HECW1: variants seen among roughly 807,000 people sequenced by gnomAD.
The protein encoded by HECW1 is HECT, C2 and WW domain containing E3 ubiquitin protein ligase 1, also known as E3 ubiquitin-protein ligase HECW1.
Under a neutral mutation model 182.3 loss-of-function variants are expected in HECW1, and 61 were observed. That is an observed-to-expected ratio of 0.33 (90% confidence interval 0.27 to 0.41). HECW1 has a LOEUF of 0.41. Ranked by LOEUF, HECW1 falls within the 10% of genes least tolerant of loss-of-function variation. The pLI is 1.00. For synonymous variants in HECW1, 859 were observed against 832.6 expected (o/e 1.03, Z -0.55); for missense variants, 1,739 against 2,108.9 (o/e 0.82, Z 3.44).
At chr7:43,537,788 A>AT (rs1047241660) in intron 24 of HECW1, among the ~76,000 whole-genome samples, 7 of 147,082 alleles carry the variant, frequency 4.8e-5, no homozygotes, top group East Asian at 2.2e-4. Flanking sequence ...TTGCACAGTT[A>AT]TTTTTTTTAA....
At chr7:43,370,050 T>C (rs539075408) in intron 6 of HECW1, among the ~76,000 whole-genome samples, 15 of 152,236 alleles carry the variant, frequency 9.9e-5, no homozygotes, top group Non-Finnish European at 1.9e-4. Context: ...AGATGTTCCA[T>C]CAAGAGAATG....
intron 2 of HECW1, among the ~76,000 whole-genome samples, chr7:43,180,735 T>C (rs1030659713): frequency 6.6e-6 from 1 of 152,206 alleles, no homozygotes; most frequent in African/African-American, 2.4e-5. Context: ...TAATTATACA[T>C]GTTTATGAAG....
chr7:43,476,344 A>G (rs1024192728), intron 16 of HECW1, among the ~76,000 whole-genome samples: 1 of 152,202 alleles, frequency 6.6e-6, no homozygotes, highest in African/African-American at 2.4e-5. Flanking sequence ...TAAAACAACT[A>G]CAAAACTGTA....
chr7:43,475,813 T>C (rs931462611), intron 16 of HECW1, among the ~76,000 whole-genome samples: 5 of 152,190 alleles, frequency 3.3e-5, no homozygotes, highest in African/African-American at 1.2e-4. Flanking sequence ...TCCACCTACT[T>C]TGGCCTCCCA....
At chr7:43,215,916 A>C (rs1796401734) in intron 2 of HECW1, among the ~76,000 whole-genome samples, 1 of 152,196 alleles carries the variant, frequency 6.6e-6, no homozygotes, top group African/African-American at 2.4e-5. Context: ...GTATAGGGCC[A>C]GTGTTCAGAG....
At chr7:43,557,978 A>C (rs2082086545) in intron 29 of HECW1, among the ~76,000 whole-genome samples, 1 of 152,242 alleles carries the variant, frequency 6.6e-6, no homozygotes, top group Admixed American at 6.5e-5. Context: ...GAAACTGATC[A>C]AGGATTGCAA....
chr7:43,138,586 C>T (rs1393350068), intron 2 of HECW1, among the ~76,000 whole-genome samples: 1 of 152,142 alleles, frequency 6.6e-6, no homozygotes, highest in Non-Finnish European at 1.5e-5. Context: ...GTCTATTTAC[C>T]ACCCCTATAG....
chr7:43,340,425 T>A (rs893939163), intron 5 of HECW1, among the ~76,000 whole-genome samples: 1 of 150,976 alleles, frequency 6.6e-6, no homozygotes, highest in Non-Finnish European at 1.5e-5. Flanking sequence ...TTCACCATAT[T>A]GGCTAGGCTG....
At chr7:43,114,746 G>GT (rs1303388843) in intron 2 of HECW1, among the ~76,000 whole-genome samples, 1 of 151,798 alleles carries the variant, frequency 6.6e-6, no homozygotes, top group African/African-American at 2.4e-5. Context: ...TTTTGGAGTA[G>GT]TTTTTTCATG....
intron 2 of HECW1, among the ~76,000 whole-genome samples, chr7:43,133,621 C>G (rs534642949): frequency 6.6e-6 from 1 of 151,824 alleles, no homozygotes; most frequent in Non-Finnish European, 1.5e-5. Flanking sequence ...TTCTCTCTTT[C>G]TTTCTCTGTT....
intron 3 of HECW1, among the ~76,000 whole-genome samples, chr7:43,277,038 T>C (rs1222827825): frequency 6.6e-6 from 1 of 152,244 alleles, no homozygotes; most frequent in South Asian, 2.1e-4. Context: ...ATTTTCAGGA[T>C]GCTCAGGGCT....
In HECW1 at chr7:43,307,539, G is replaced by A. The variant is rs578209640; in HGVS notation, c.28-4224G>A. On this transcript the variant is annotated intron_variant, in intron 3 of 29. Transcript: ENST00000395891. The stretch of plus-strand genomic sequence containing the variant: ...TGTAAGACATTGGAATCACTGTCTA[G>A]GAAGACAGTGGCCTTTTATCCAGGG... Among the ~76,000 whole-genome samples the A allele has an allele frequency of 3.3e-5, 5 of 152,262 alleles. No individual in the cohort carries two copies. The East Asian group carries it at 9.7e-4, about 29-fold the overall frequency.
chr7:43,500,917 T>C (rs1419560263), intron 20 of HECW1, 135 bp downstream of exon 20: 1 of 743,770 alleles, frequency 1.3e-6, no homozygotes, highest in South Asian at 1.6e-5. Context: ...GCAACGCAAG[T>C]GGGACCCCAC....
intron 2 of HECW1, among the ~76,000 whole-genome samples, chr7:43,166,697 T>A (rs1260139534): frequency 1.3e-5 from 2 of 152,254 alleles, no homozygotes; most frequent in Admixed American, 1.3e-4. Flanking sequence ...GGAAGTATAA[T>A]AGGAACCTTT....
In HECW1 at chr7:43,445,325, G is replaced by C. The variant is rs1369793479; in HGVS notation, c.2153G>C (p.Arg718Pro). 6.2e-7 allele frequency: 1 copy of C among 1,613,784 alleles called. No homozygotes were observed. Among genetic ancestry groups the C allele is most frequent in the East Asian group, 2.2e-5 (1 of 44,870 alleles). The change falls in exon 11 of 30, where the codon CGC becomes CCC. Residue 718 changes from arginine (R) to proline (P), a missense_variant. Transcript: ENST00000395891. The stretch of plus-strand genomic sequence containing the variant: ...GGCAACAGGTTCGCCAGCCACACGC[G>C]CTTCTCCTCCGTGGACAGCGCCAAG... ...YNGNRFASHT[R>P]FSSVDSAKIS...
At chr7:43,465,914 GAGAAGAAAGAA>G (rs923938475) in intron 14 of HECW1, among the ~76,000 whole-genome samples, 2 of 148,460 alleles carry the variant, frequency 1.3e-5, no homozygotes, top group African/African-American at 5.0e-5. Context: ...AAGAGAGAGA[GAGAAGAAAGAA>G]AGAAGAAAGG....
chr7:43,319,316 A>G (rs997542200), intron 4 of HECW1, among the ~76,000 whole-genome samples: 4 of 142,560 alleles, frequency 2.8e-5, no homozygotes, highest in East Asian at 2.2e-4. Context: ...GAACCCGGGA[A>G]GCGGAGCTTG....
rs1583545103 is a variant in HECW1, at chr7:43,112,928, G to A, written c.-276G>A. ...GGAGCATGATCTGTGCCCAGGCCAGGGCTGCCAAGGTAAGCGGGCGTAGCG... is the reference window on the plus strand; with the variant it reads ...GGAGCATGATCTGTGCCCAGGCCAGAGCTGCCAAGGTAAGCGGGCGTAGCG... On this transcript the variant is annotated 5_prime_UTR_variant, in exon 1 of 30. Transcript: ENST00000395891. 9.3e-6 allele frequency: 2 copies of A among 215,810 alleles called. No homozygotes were observed. Among genetic ancestry groups the A allele is most frequent in the East Asian group, 1.3e-4 (2 of 14,962 alleles). The allele number at this position is 215,810 out of a possible 1,614,324, so 13.4% of individuals were successfully genotyped here.
chr7:43,412,654 C>T (rs1313760216), intron 8 of HECW1, among the ~76,000 whole-genome samples: 1 of 142,736 alleles, frequency 7.0e-6, no homozygotes, highest in Non-Finnish European at 1.5e-5. Context: ...CTTCCTGTGT[C>T]CATGTGATCT....
Sources: gnomAD v4.1 joint callset for allele counts (sites outside exome capture counted in the v4.1 genomes callset) on GRCh38, gnomAD v4.1.1 for gene constraint, MANE v1.5 for transcripts, NCBI Gene and HGNC (gene_info 2026-07-23, HGNC 2026-07-21) for gene names.